Variants in RBFOX1 observed in about 807,000 individuals in gnomAD.
RBFOX1 encodes RNA binding fox-1 homolog 1.
A neutral mutation model predicts 57.7 loss-of-function variants in RBFOX1; 8 were observed. The ratio of observed to expected loss-of-function variants is 0.14; its 90% CI spans 0.08 to 0.25. RBFOX1 has a LOEUF of 0.25. Ranked by LOEUF, RBFOX1 falls within the 10% of genes least tolerant of loss-of-function variation. RBFOX1 has a pLI of 1.00. For missense variants in RBFOX1, 611 were observed against 548.5 expected, an observed-to-expected ratio of 1.11 and a Z score of -1.14; for synonymous variants, 326 against 222.4, an observed-to-expected ratio of 1.47 and a Z score of -4.15.
intron 3 of RBFOX1, among the ~76,000 whole-genome samples, chr16:5,851,723 A>G (rs1009775230): frequency 7.9e-5 from 12 of 152,190 alleles, no homozygotes; most frequent in Non-Finnish European, 1.6e-4. Context: ...TGGCTCCGTA[A>G]ATACTGTGTC....
At chr16:6,914,751 G>C (rs1214704556) in intron 3 of RBFOX1, among the ~76,000 whole-genome samples, 1 of 152,146 alleles carries the variant, frequency 6.6e-6, no homozygotes, top group African/African-American at 2.4e-5. Context: ...GTGTGCACCT[G>C]TAGTCCCAGC....
chr16:5,926,688 T>C (rs1329451774), intron 4 of RBFOX1, among the ~76,000 whole-genome samples: 1 of 152,226 alleles, frequency 6.6e-6, no homozygotes, highest in Non-Finnish European at 1.5e-5. Flanking sequence ...GCTGAAGACT[T>C]GGGGTCTGCA....
At chr16:6,886,437 A>C (rs2064045333) in intron 3 of RBFOX1, among the ~76,000 whole-genome samples, 1 of 152,056 alleles carries the variant, frequency 6.6e-6, no homozygotes. Context: ...TATTGATTGC[A>C]AAGGCATTCC....
chr16:6,097,068 A>G lies in RBFOX1; in HGVS notation c.-127+77076A>G, dbSNP rs771787412. Among the ~76,000 whole-genome samples the G allele has an allele frequency of 6.6e-6, 1 of 152,080 alleles. No homozygotes were observed. Among genetic ancestry groups the G allele is most frequent in the African/African-American group, 2.4e-5 (1 of 41,404 alleles). ...GAATCATGGGGGTGGTTTCCCCCATACTGTTGTCATGGTGGTGAGTAAGTC... is the reference window on the plus strand; with the variant it reads ...GAATCATGGGGGTGGTTTCCCCCATGCTGTTGTCATGGTGGTGAGTAAGTC... On this transcript the variant is annotated intron_variant, in intron 1 of 15. Coordinates refer to ENST00000550418, the MANE Select transcript of RBFOX1 (RefSeq NM_018723.4). This position sits in a 1 kb window ranked among gnomAD's most constrained non-coding sequence, Gnocchi z 5.0.
intron 2 of RBFOX1, among the ~76,000 whole-genome samples, chr16:6,618,215 C>A (rs910224384): frequency 3.3e-5 from 5 of 152,142 alleles, no homozygotes; most frequent in African/African-American, 1.2e-4. Context: ...TAGTGGTCTA[C>A]CCATCACTGA....
chr16:6,492,140 G>T (rs568901344), intron 2 of RBFOX1, among the ~76,000 whole-genome samples: 1 of 152,272 alleles, frequency 6.6e-6, no homozygotes, highest in Non-Finnish European at 1.5e-5. Context: ...GTGCGGGCGT[G>T]TGAAAGTTTC....
chr16:6,668,079 T>C (rs1244941067), intron 3 of RBFOX1, among the ~76,000 whole-genome samples: 2 of 152,188 alleles, frequency 1.3e-5, no homozygotes, highest in African/African-American at 2.4e-5. Flanking sequence ...TACCAAACCC[T>C]CAATTACCTG....
intron 1 of RBFOX1, among the ~76,000 whole-genome samples, chr16:6,230,780 G>T (rs2097453189): frequency 1.3e-5 from 2 of 152,174 alleles, no homozygotes; most frequent in Admixed American, 6.5e-5. Context: ...GAAGTCCAAG[G>T]ACATTTTTAG....
intron 3 of RBFOX1, among the ~76,000 whole-genome samples, chr16:5,815,269 C>T (rs1269063616): frequency 6.8e-6 from 1 of 147,298 alleles, no homozygotes; most frequent in East Asian, 2.0e-4. Flanking sequence ...GCTGGGATTA[C>T]AGGTGTGAGC....
intron 4 of RBFOX1, among the ~76,000 whole-genome samples, chr16:5,975,041 TA>T (rs996957308): frequency 2.8e-4 from 42 of 152,180 alleles, no homozygotes; most frequent in Non-Finnish European, 5.3e-4. Context: ...ATAACAAAAG[TA>T]AAAAACCAAA....
chr16:6,989,782 C>G (rs572575362), intron 3 of RBFOX1, among the ~76,000 whole-genome samples: 1 of 152,038 alleles, frequency 6.6e-6, no homozygotes, highest in Non-Finnish European at 1.5e-5. Flanking sequence ...GGTGGATCAC[C>G]TGAGGTCAGG....
chr16:5,945,840 T>C (rs1743258243), intron 4 of RBFOX1, among the ~76,000 whole-genome samples: 1 of 152,200 alleles, frequency 6.6e-6, no homozygotes, highest in Admixed American at 6.5e-5. Context: ...CTCCCTAGTG[T>C]GTGAGAAGTC....
chr16:6,522,365 C>T (rs1331322768), intron 2 of RBFOX1, among the ~76,000 whole-genome samples: 1 of 152,058 alleles, frequency 6.6e-6, no homozygotes, highest in Non-Finnish European at 1.5e-5. Flanking sequence ...CCACTTTCCC[C>T]TGTTGGATTA....
chr16:6,908,503 G>A (rs1432787120), intron 3 of RBFOX1, among the ~76,000 whole-genome samples: 1 of 152,138 alleles, frequency 6.6e-6, no homozygotes, highest in Admixed American at 6.5e-5. Context: ...GGTATTTCCG[G>A]GTTATAGCTG....
At chr16:5,791,935 C>T (rs1026851208) in intron 3 of RBFOX1, among the ~76,000 whole-genome samples, 5 of 152,158 alleles carry the variant, frequency 3.3e-5, no homozygotes, top group African/African-American at 1.2e-4. Context: ...ACCCTCCAGA[C>T]TTCTTGGCGT....
intron 2 of RBFOX1, among the ~76,000 whole-genome samples, chr16:6,352,716 T>C (rs1221372331): frequency 1.3e-5 from 2 of 152,246 alleles, no homozygotes; most frequent in Non-Finnish European, 2.9e-5. Flanking sequence ...GCATTTATCA[T>C]ATTGAAGCAG....
intron 4 of RBFOX1, among the ~76,000 whole-genome samples, chr16:7,459,962 AC>A (rs1194633555): frequency 6.6e-6 from 1 of 152,178 alleles, no homozygotes; most frequent in Admixed American, 6.5e-5. Context: ...ACTTTTAGCA[AC>A]AAGTAATTGA....
intron 4 of RBFOX1, among the ~76,000 whole-genome samples, chr16:7,366,995 C>G (rs11860819): frequency 0.38 from 57,910 of 151,926 alleles, 13,489 homozygotes; most frequent in African/African-American, 0.67. Context: ...ATGTTTTTAA[C>G]TCTGGTGTGA....
chr16:7,211,995 C>T (rs754744497), intron 4 of RBFOX1, among the ~76,000 whole-genome samples: 1 of 152,154 alleles, frequency 6.6e-6, no homozygotes, highest in Non-Finnish European at 1.5e-5. Context: ...TCAAGCCACC[C>T]CAAATAACCT....
Sources: allele counts gnomAD v4.1 joint callset (sites outside exome capture counted in the v4.1 genomes callset), GRCh38; gene constraint gnomAD v4.1.1; non-coding constraint Gnocchi (gnomAD v3.1); transcripts MANE v1.5; gene names NCBI Gene and HGNC (gene_info 2026-07-23, HGNC 2026-07-21).